CNTN5: variants seen among roughly 807,000 people sequenced by gnomAD.
CNTN5 encodes the protein contactin 5.
A neutral mutation model predicts 129.1 loss-of-function variants in CNTN5; 77 were observed. That is an observed-to-expected ratio of 0.60 (90% CI 0.50 to 0.72). CNTN5 has a LOEUF of 0.72. Among genes scored for constraint, CNTN5 ranks in the 30% least tolerant of loss-of-function variants. CNTN5 has a pLI of 0.00. For synonymous variants in CNTN5, 509 were observed against 465.6 expected (o/e 1.09, Z -1.20); for missense variants, 1,478 against 1,328.8 (o/e 1.11, Z -1.75).
chr11:99,129,718 G>T (rs914437757), intron 1 of CNTN5, among the ~76,000 whole-genome samples: 2 of 152,180 alleles, frequency 1.3e-5, no homozygotes, highest in African/African-American at 2.4e-5. Flanking sequence ...AGAGAGAAAG[G>T]CCAGGTAACC....
chr11:99,937,688 G>A (rs947258478), intron 7 of CNTN5, among the ~76,000 whole-genome samples: 7 of 152,158 alleles, frequency 4.6e-5, no homozygotes, highest in African/African-American at 1.7e-4. Context: ...TTTTCACTTA[G>A]GACATGAACT....
In CNTN5 at chr11:99,122,679, A is replaced by AT. The variant is rs988627572; in HGVS notation, c.-210+101416dup. Reference sequence around the variant, plus strand: ...CATAGTACCTGATAGGTTTATTATTATTTTTTTGATCCTCTCACTCCTCAC... The same window carrying AT: ...CATAGTACCTGATAGGTTTATTATTATTTTTTTTGATCCTCTCACTCCTCAC... On this transcript the variant is annotated intron_variant, in intron 1 of 24. Coordinates refer to ENST00000524871, the MANE Select transcript of CNTN5 (RefSeq NM_014361.4). Among the ~76,000 whole-genome samples, 38 of 152,016 alleles carry AT rather than the reference A, an allele frequency of 2.5e-4. 1 individual carries two copies. Among genetic ancestry groups the AT allele is most frequent in the Non-Finnish European group, 2.5e-4 (17 of 67,904 alleles).
intron 2 of CNTN5, among the ~76,000 whole-genome samples, chr11:99,340,433 A>AG (rs1866458410): frequency 6.6e-6 from 1 of 152,128 alleles, no homozygotes; most frequent in Non-Finnish European, 1.5e-5. Context: ...GTGGATAATT[A>AG]GGGGGGAAAA....
chr11:100,168,707 G>A (rs1180746491), intron 13 of CNTN5, among the ~76,000 whole-genome samples: 1 of 151,950 alleles, frequency 6.6e-6, no homozygotes, highest in African/African-American at 2.4e-5. Context: ...GCAGCCCTTG[G>A]ATGAAGGAGT....
At chr11:100,053,677 G>T (rs1943078969) in intron 9 of CNTN5, among the ~76,000 whole-genome samples, 1 of 151,396 alleles carries the variant, frequency 6.6e-6, no homozygotes. Context: ...TACTTATACA[G>T]TTGAACATTT....
chr11:99,339,512 G>A (rs942116286), intron 2 of CNTN5, among the ~76,000 whole-genome samples: 4 of 152,134 alleles, frequency 2.6e-5, no homozygotes, highest in African/African-American at 9.7e-5. Context: ...AGGCTCAGTG[G>A]CTCACACCTG....
intron 2 of CNTN5, among the ~76,000 whole-genome samples, chr11:99,448,676 A>C (rs2135181013): frequency 6.6e-6 from 1 of 152,032 alleles, no homozygotes. Context: ...TGTATTATAG[A>C]TGTGGAAATT....
intron 6 of CNTN5, among the ~76,000 whole-genome samples, chr11:99,880,828 T>C (rs374063345): frequency 6.6e-6 from 1 of 152,164 alleles, no homozygotes; most frequent in African/African-American, 2.4e-5. Flanking sequence ...ATTTTGGAGA[T>C]AGTAAAAACT....
At chr11:99,572,668 T>C (rs1309727319) in intron 3 of CNTN5, among the ~76,000 whole-genome samples, 1 of 152,164 alleles carries the variant, frequency 6.6e-6, no homozygotes, top group Non-Finnish European at 1.5e-5. Context: ...AATGCTCCCC[T>C]CCCCTTGTCC....
intron 3 of CNTN5, among the ~76,000 whole-genome samples, chr11:99,683,918 T>C (rs1382193416): frequency 6.6e-6 from 1 of 151,848 alleles, no homozygotes; most frequent in Non-Finnish European, 1.5e-5. Flanking sequence ...CTAATTAACA[T>C]ATGTAGTATC....
chr11:99,624,711 A>G (rs75545062), intron 3 of CNTN5, among the ~76,000 whole-genome samples: 5,820 of 152,276 alleles, frequency 0.038, 152 homozygotes, highest in Non-Finnish European at 0.06. Context: ...GCACCCTGCC[A>G]CAGGCAGCAC....
chr11:99,622,615 G>A lies in CNTN5; in HGVS notation c.55+66346G>A, dbSNP rs189153904. 2.1e-3 allele frequency among the ~76,000 whole-genome samples: 324 copies of A among 152,178 alleles called. 6 individuals carry two copies. Among genetic ancestry groups the A allele is most frequent in the Admixed American group, 0.018 (282 of 15,276 alleles). ...CTTTTTCAATGAAAGGAAGATTTAA[G>A]CATAGATGCTGAGCCAACTTCTCTG... On this transcript the variant is annotated intron_variant, in intron 3 of 24. Transcript: ENST00000524871.
chr11:99,385,476 A>T (rs1940870790), intron 2 of CNTN5, among the ~76,000 whole-genome samples: 1 of 152,188 alleles, frequency 6.6e-6, no homozygotes. Flanking sequence ...TAAACCAGTA[A>T]TTTTATAGTA....
intron 2 of CNTN5, among the ~76,000 whole-genome samples, chr11:99,354,531 G>A (rs1938510426): frequency 6.6e-6 from 1 of 152,142 alleles, no homozygotes; most frequent in Non-Finnish European, 1.5e-5. Flanking sequence ...TTTCTATGAT[G>A]TTGTAACTGG....
intron 21 of CNTN5, among the ~76,000 whole-genome samples, chr11:100,340,074 A>G (rs1486417516): frequency 6.6e-6 from 1 of 152,180 alleles, no homozygotes; most frequent in Non-Finnish European, 1.5e-5. Context: ...CAGATGCCAC[A>G]TACTCAGATA....
chr11:99,272,899 A>T (rs1863241367), intron 1 of CNTN5, among the ~76,000 whole-genome samples: 1 of 151,872 alleles, frequency 6.6e-6, no homozygotes, highest in African/African-American at 2.4e-5. Context: ...AACTTATAAC[A>T]TTTAAAGAAA....
chr11:99,308,564 GAA>G (rs988496684), intron 1 of CNTN5, among the ~76,000 whole-genome samples: 1 of 152,008 alleles, frequency 6.6e-6, no homozygotes, highest in Non-Finnish European at 1.5e-5. Flanking sequence ...AACTGGAAAA[GAA>G]AATATTAAAA....
At chr11:99,230,818 C>G (rs112105196) in intron 1 of CNTN5, among the ~76,000 whole-genome samples, 12 of 152,044 alleles carry the variant, frequency 7.9e-5, no homozygotes, top group African/African-American at 2.9e-4. Context: ...CTCTCCCACC[C>G]CCTGACAAGC....
chr11:99,358,865 ATGC>A (rs1938902259), intron 2 of CNTN5, among the ~76,000 whole-genome samples: 1 of 152,202 alleles, frequency 6.6e-6, no homozygotes, highest in African/African-American at 2.4e-5. Context: ...AGAATTATGT[ATGC>A]AATGATTGAA....
Sources: gnomAD v4.1 joint callset for allele counts (sites outside exome capture counted in the v4.1 genomes callset) on GRCh38, gnomAD v4.1.1 for gene constraint, MANE v1.5 for transcripts, NCBI Gene and HGNC (gene_info 2026-07-23, HGNC 2026-07-21) for gene names.